The following RABGAP1L variants were observed in gnomAD, a reference collection of about 807,000 sequenced individuals.
RABGAP1L encodes RAB GTPase activating protein 1 like.
Under a neutral mutation model 137.7 loss-of-function variants are expected in RABGAP1L, and 63 were observed. The observed-to-expected ratio is 0.46, with a 90% confidence interval of 0.37 to 0.56. The LOEUF is 0.56. RABGAP1L is among the 20% of genes least tolerant of loss of function. The probability of loss-of-function intolerance (pLI) is 0.00; values close to 1 mark genes in which losing one functional copy is unlikely to be tolerated. For synonymous variants in RABGAP1L, 431 were observed against 433.7 expected (o/e 0.99, Z 0.08); for missense variants, 1,095 against 1,244.0 (o/e 0.88, Z 1.80).
chr1:174,701,648 C>A (rs976120797), intron 16 of RABGAP1L, among the ~76,000 whole-genome samples: 47 of 151,088 alleles, frequency 3.1e-4, no homozygotes, highest in African/African-American at 1.1e-3. Flanking sequence ...AAGGCTGAGG[C>A]AGGAAAATGG....
chr1:174,246,986 C>T (rs1267768016), intron 5 of RABGAP1L, among the ~76,000 whole-genome samples: 2 of 152,160 alleles, frequency 1.3e-5, no homozygotes, highest in Non-Finnish European at 2.9e-5. Context: ...AATTAATGTA[C>T]TGTCGTGTTC....
intron 19 of RABGAP1L, among the ~76,000 whole-genome samples, chr1:174,820,659 G>C (rs1690920044): frequency 6.6e-6 from 1 of 152,076 alleles, no homozygotes; most frequent in Non-Finnish European, 1.5e-5. Context: ...TCCCTTATTG[G>C]GGGTTACCCA....
intron 13 of RABGAP1L, among the ~76,000 whole-genome samples, chr1:174,504,129 T>C (rs1368593312): frequency 6.6e-6 from 1 of 151,898 alleles, no homozygotes; most frequent in Non-Finnish European, 1.5e-5. Context: ...TCAGCCACCA[T>C]GCCTGGCTAA....
At chr1:174,728,905 T>A (rs1572950408) in intron 17 of RABGAP1L, among the ~76,000 whole-genome samples, 1 of 152,126 alleles carries the variant, frequency 6.6e-6, no homozygotes, top group African/African-American at 2.4e-5. Flanking sequence ...CCTCCCAAAA[T>A]ACTGGGATTA....
intron 18 of RABGAP1L, among the ~76,000 whole-genome samples, chr1:174,797,835 C>T (rs1054728219): frequency 6.6e-6 from 1 of 151,948 alleles, no homozygotes; most frequent in Admixed American, 6.6e-5. Context: ...CTAGGCAGTA[C>T]ATCAAACATT....
At position 174,223,359 on chromosome 1, in the gene RABGAP1L, C is replaced by T. The variant is rs375974983; in HGVS notation, c.331+2195C>T. Among the ~76,000 whole-genome samples the T allele has an allele frequency of 1.5e-4, 21 of 136,396 alleles. No homozygotes were observed. In the East Asian group the frequency reaches 4.6e-3, roughly 30 times the overall value. The allele number at this position is 136,396 out of a possible 152,430, so 89.5% of individuals were successfully genotyped here. On this transcript the variant is annotated intron_variant, in intron 3 of 25. Transcript: ENST00000681986. ...TCAGGAGGCTGAGACAGAAAAGTCA[C>T]TTGAACCCAGGAGGTGGAGGTTGCA...
At chr1:174,531,135 T>C (rs993247010) in intron 13 of RABGAP1L, among the ~76,000 whole-genome samples, 2 of 152,148 alleles carry the variant, frequency 1.3e-5, no homozygotes, top group African/African-American at 4.8e-5. Flanking sequence ...TTATGTGAAG[T>C]ATAAGAATAG....
At chr1:174,937,809 GCCTC>G (rs1665148758) in intron 19 of RABGAP1L, among the ~76,000 whole-genome samples, 1 of 149,080 alleles carries the variant, frequency 6.7e-6, no homozygotes, top group African/African-American at 2.5e-5. Context: ...TGATTCTCCT[GCCTC>G]AGCCTCCCAA....
intron 19 of RABGAP1L, among the ~76,000 whole-genome samples, chr1:174,832,905 G>A (rs1348415718): frequency 6.6e-6 from 1 of 152,158 alleles, no homozygotes; most frequent in Admixed American, 6.5e-5. Flanking sequence ...TTCCTTGTAT[G>A]CCTGGCATGT....
chr1:174,308,214 A>G (rs988684456), intron 11 of RABGAP1L, among the ~76,000 whole-genome samples: 1 of 151,886 alleles, frequency 6.6e-6, no homozygotes, highest in African/African-American at 2.4e-5. Flanking sequence ...TTACATATGT[A>G]TGTGTATATG....
chr1:174,181,463 G>A (rs566524112), intron 1 of RABGAP1L, among the ~76,000 whole-genome samples: 395 of 151,196 alleles, frequency 2.6e-3, no homozygotes, highest in Middle Eastern at 6.9e-3. Context: ...TCAGCCTCCC[G>A]AGTAGCTGGG....
chr1:174,850,790 A>G (rs752368321), intron 19 of RABGAP1L, among the ~76,000 whole-genome samples: 4 of 152,244 alleles, frequency 2.6e-5, no homozygotes, highest in Non-Finnish European at 5.9e-5. Flanking sequence ...ATCGAATCAT[A>G]TGAGCCTTGA....
intron 14 of RABGAP1L, among the ~76,000 whole-genome samples, chr1:174,665,969 A>G (rs1248844827): frequency 1.3e-5 from 2 of 152,218 alleles, no homozygotes; most frequent in Non-Finnish European, 1.5e-5. Flanking sequence ...TACTATATTA[A>G]GTAATCTTTC....
intron 17 of RABGAP1L, among the ~76,000 whole-genome samples, chr1:174,743,236 A>G (rs914493170): frequency 2.6e-5 from 4 of 152,176 alleles, no homozygotes; most frequent in African/African-American, 9.6e-5. Context: ...AGAGAGGGGT[A>G]AGGAAGCAAT....
chr1:174,453,442 A>G (rs560818004), intron 13 of RABGAP1L, among the ~76,000 whole-genome samples: 1 of 152,360 alleles, frequency 6.6e-6, no homozygotes, highest in South Asian at 2.1e-4. Flanking sequence ...GAAGGTAATC[A>G]TTAGATGTGA....
chr1:174,894,759 TG>T (rs1656850659), intron 19 of RABGAP1L, among the ~76,000 whole-genome samples: 1 of 151,970 alleles, frequency 6.6e-6, no homozygotes, highest in Non-Finnish European at 1.5e-5. Flanking sequence ...TGTTTTGTTT[TG>T]TTTTGTGTGT....
intron 13 of RABGAP1L, among the ~76,000 whole-genome samples, chr1:174,600,227 C>T (rs1359029550): frequency 6.6e-6 from 1 of 152,172 alleles, no homozygotes; most frequent in East Asian, 1.9e-4. Flanking sequence ...TCACCTCCAC[C>T]TGGGTCCCTC....
chr1:174,809,108 C>T (rs924846761), intron 18 of RABGAP1L, among the ~76,000 whole-genome samples: 9 of 152,192 alleles, frequency 5.9e-5, no homozygotes, highest in Admixed American at 5.9e-4. Flanking sequence ...ACTCCAGAGG[C>T]TGAGGTTAGC....
At chr1:174,887,218 A>C (rs182495958) in intron 19 of RABGAP1L, among the ~76,000 whole-genome samples, 9 of 152,324 alleles carry the variant, frequency 5.9e-5, no homozygotes, top group African/African-American at 2.2e-4. Context: ...GGGGAAAGTG[A>C]GTATTTGCTG....
Sources: gnomAD v4.1 joint callset for allele counts (sites outside exome capture counted in the v4.1 genomes callset) on GRCh38, gnomAD v4.1.1 for gene constraint, MANE v1.5 for transcripts, NCBI Gene and HGNC (gene_info 2026-07-23, HGNC 2026-07-21) for gene names.